The following KCND2 variants were observed in gnomAD, a reference collection of about 807,000 sequenced individuals.
KCND2 encodes potassium voltage-gated channel subfamily D member 2.
In KCND2, 16 loss-of-function variants were observed where a neutral mutation model predicts 54.4. The observed-to-expected ratio is 0.29, with a 90% CI of 0.20 to 0.45. KCND2 has a LOEUF of 0.45. KCND2 is among the 20% of genes least tolerant of loss of function. KCND2 has a pLI of 1.00. For synonymous variants in KCND2, 317 were observed against 310.7 expected (o/e 1.02, Z -0.21); for missense variants, 486 against 824.2 (o/e 0.59, Z 5.02).
intron 1 of KCND2, among the ~76,000 whole-genome samples, chr7:120,663,137 G>A (rs1488106202): frequency 2.0e-5 from 3 of 152,088 alleles, no homozygotes; most frequent in Non-Finnish European, 4.4e-5. Context: ...TAGGTTGAAC[G>A]TAATTTAATT....
chr7:120,454,808 A>C (rs1802170443), intron 1 of KCND2, among the ~76,000 whole-genome samples: 1 of 152,172 alleles, frequency 6.6e-6, no homozygotes, highest in Non-Finnish European at 1.5e-5. Context: ...AAAACCTCCT[A>C]GATCTTTATA....
chr7:120,321,592 A>AT (rs1490713215), intron 1 of KCND2, among the ~76,000 whole-genome samples: 2 of 152,142 alleles, frequency 1.3e-5, no homozygotes, highest in African/African-American at 4.8e-5. Flanking sequence ...AAATGTGTTT[A>AT]TACTTTTAAA....
chr7:120,619,755 A>G (rs545224829), intron 1 of KCND2, among the ~76,000 whole-genome samples: 14 of 152,340 alleles, frequency 9.2e-5, no homozygotes, highest in African/African-American at 3.4e-4. Flanking sequence ...ACCAGAATAT[A>G]GTCACATGAT....
intron 1 of KCND2, among the ~76,000 whole-genome samples, chr7:120,408,402 T>C (rs1801394862): frequency 1.3e-5 from 2 of 151,776 alleles, no homozygotes; most frequent in Non-Finnish European, 2.9e-5. Flanking sequence ...GATTTTATTA[T>C]AGCTAGAGGT....
chr7:120,354,436 T>G (rs969824784), intron 1 of KCND2, among the ~76,000 whole-genome samples: 19 of 152,320 alleles, frequency 1.2e-4, no homozygotes, highest in African/African-American at 4.6e-4. Context: ...AAAACAGATA[T>G]TCAAAGTGCA....
chr7:120,399,554 A>G (rs1462132084), intron 1 of KCND2, among the ~76,000 whole-genome samples: 1 of 152,048 alleles, frequency 6.6e-6, no homozygotes, highest in Non-Finnish European at 1.5e-5. Flanking sequence ...CCATGTTTCC[A>G]AAAACTCCAC....
chr7:120,586,255 C>T (rs6466751), intron 1 of KCND2, among the ~76,000 whole-genome samples: 152,265 of 152,268 alleles, frequency 1, 76,131 homozygotes, highest in Non-Finnish European at 1. Flanking sequence ...TTATGAAAAG[C>T]GCACCCATAT....
At chr7:120,642,112 G>C (rs1181393472) in intron 1 of KCND2, among the ~76,000 whole-genome samples, 1 of 152,030 alleles carries the variant, frequency 6.6e-6, no homozygotes, top group African/African-American at 2.4e-5. Flanking sequence ...GTATTCTTAT[G>C]AGAGCTATTA....
intron 1 of KCND2, among the ~76,000 whole-genome samples, chr7:120,619,255 C>T (rs1793067842): frequency 6.6e-6 from 1 of 152,152 alleles, no homozygotes; most frequent in African/African-American, 2.4e-5. Flanking sequence ...CATGGCAAAA[C>T]TCCATCTCTA....
intron 1 of KCND2, among the ~76,000 whole-genome samples, chr7:120,501,088 T>C (rs1229599941): frequency 6.6e-6 from 1 of 152,082 alleles, no homozygotes; most frequent in Admixed American, 6.6e-5. Context: ...TTAAGTAAGG[T>C]TACTTACTCT....
chr7:120,499,951 G>A (rs1266865604), intron 1 of KCND2, among the ~76,000 whole-genome samples: 1 of 152,086 alleles, frequency 6.6e-6, no homozygotes, highest in Admixed American at 6.6e-5. Flanking sequence ...AGCATGGGGT[G>A]CCCAGCACAT....
chr7:120,440,067 C>A (rs1045003158), intron 1 of KCND2, among the ~76,000 whole-genome samples: 1 of 151,920 alleles, frequency 6.6e-6, no homozygotes, highest in African/African-American at 2.4e-5. Context: ...TTTTGAGAAA[C>A]CTCCATATTG....
chr7:120,525,025 A>T (rs1242574840), intron 1 of KCND2, among the ~76,000 whole-genome samples: 1 of 152,168 alleles, frequency 6.6e-6, no homozygotes, highest in Non-Finnish European at 1.5e-5. Context: ...ATTCTGAATT[A>T]GTGAGTTATT....
intron 1 of KCND2, among the ~76,000 whole-genome samples, chr7:120,471,828 G>T (rs1802458612): frequency 6.6e-6 from 1 of 151,854 alleles, no homozygotes; most frequent in Non-Finnish European, 1.5e-5. Context: ...TAGAGTATTG[G>T]AGCAAACTGT....
At chr7:120,592,621 G>GTCT (rs1792685809) in intron 1 of KCND2, among the ~76,000 whole-genome samples, 1 of 152,284 alleles carries the variant, frequency 6.6e-6, no homozygotes, top group Non-Finnish European at 1.5e-5. Flanking sequence ...TTGACAAAAT[G>GTCT]TCTTATAAAG....
intron 1 of KCND2, among the ~76,000 whole-genome samples, chr7:120,456,582 T>C (rs1802204349): frequency 6.6e-6 from 1 of 152,252 alleles, no homozygotes. Context: ...TACTGATTAT[T>C]ATACTAGCTA....
chr7:120,530,943 C>T (rs1233795308), intron 1 of KCND2, among the ~76,000 whole-genome samples: 1 of 151,950 alleles, frequency 6.6e-6, no homozygotes, highest in Non-Finnish European at 1.5e-5. Flanking sequence ...CTGGTGTCCT[C>T]CCTCATGTTC....
chr7:120,622,709 TCTCTCTCACACACA>T (rs770074071), intron 1 of KCND2, among the ~76,000 whole-genome samples: 5 of 146,132 alleles, frequency 3.4e-5, no homozygotes, highest in African/African-American at 1.0e-4. Context: ...TCTCTCTCTC[TCTCTCTCACACACA>T]CACACACACA....
chr7:120,333,680 T>A (rs1341051106), intron 1 of KCND2, among the ~76,000 whole-genome samples: 1 of 152,124 alleles, frequency 6.6e-6, no homozygotes, highest in Non-Finnish European at 1.5e-5. Context: ...AATTTATTGA[T>A]TTTATTATTA....
Sources: gnomAD v4.1 joint callset for allele counts (sites outside exome capture counted in the v4.1 genomes callset) on GRCh38, gnomAD v4.1.1 for gene constraint, MANE v1.5 for transcripts, NCBI Gene and HGNC (gene_info 2026-07-23, HGNC 2026-07-21) for gene names.